PLCG2: variants seen among roughly 807,000 people sequenced by gnomAD.
PLCG2 encodes phospholipase C gamma 2, also known as 1-phosphatidylinositol 4,5-bisphosphate phosphodiesterase gamma-2.
In PLCG2, 69 loss-of-function variants were observed where a neutral mutation model predicts 175.6. The observed-to-expected ratio is 0.39, with a 90% CI of 0.32 to 0.48. The LOEUF (loss-of-function observed/expected upper bound fraction) is 0.48, where lower values mean the gene tolerates loss of function less well. Among genes scored for constraint, PLCG2 ranks in the 20% least tolerant of loss-of-function variants. The pLI, the probability that PLCG2 is intolerant of heterozygous loss-of-function variation, is 0.91. For synonymous variants in PLCG2, 827 were observed against 624.0 expected (o/e 1.33, Z -4.85); for missense variants, 1,798 against 1,650.9 (o/e 1.09, Z -1.54).
chr16:81,885,624 CT>C (rs34271990), intron 9 of PLCG2, among the ~76,000 whole-genome samples: 161 of 149,932 alleles, frequency 1.1e-3, no homozygotes, highest in Middle Eastern at 3.5e-3. Context: ...ACAGATAGAA[CT>C]TTTTTTTTTA....
intron 2 of PLCG2, among the ~76,000 whole-genome samples, chr16:81,797,141 G>C (rs1911505890): frequency 6.6e-6 from 1 of 152,178 alleles, no homozygotes; most frequent in Admixed American, 6.5e-5. Context: ...GGCAGCATTT[G>C]TCCCTCAAAA....
At chr16:81,778,016 C>CAAAAAAAAAA (rs753644088), upstream of PLCG2, among the ~76,000 whole-genome samples, 2 of 49,092 alleles carry the variant, frequency 4.1e-5, no homozygotes, top group African/African-American at 9.8e-5. Context: ...GACTTTGTCT[C>CAAAAAAAAAA]AAAAAAAAAA....
intron 2 of PLCG2, among the ~76,000 whole-genome samples, chr16:81,773,599 T>C (rs1910329435): frequency 6.6e-6 from 1 of 152,212 alleles, no homozygotes; most frequent in Non-Finnish European, 1.5e-5. Flanking sequence ...GTTTGGGGCC[T>C]GGCAAATGCC....
chr16:81,878,394 T>A (rs745615691), intron 7 of PLCG2, among the ~76,000 whole-genome samples: 15 of 152,138 alleles, frequency 9.9e-5, no homozygotes, highest in Non-Finnish European at 1.9e-4. Flanking sequence ...CCAAAGAAGG[T>A]CATGCCCATG....
chr16:81,830,194 T>TAC (rs1567486809), intron 2 of PLCG2, among the ~76,000 whole-genome samples: 3 of 151,546 alleles, frequency 2.0e-5, no homozygotes, highest in South Asian at 2.1e-4. Flanking sequence ...TTGGCACGCA[T>TAC]CTGTGGTCCC....
In PLCG2 at chr16:81,910,086, C is replaced by A. The variant is rs568534616; in HGVS notation, c.1734-434C>A. 3.3e-5 allele frequency among the ~76,000 whole-genome samples: 5 copies of A among 151,960 alleles called. No homozygotes were observed. The South Asian group carries it at 1.0e-3, about 32-fold the overall frequency. ...TCTAGCCTATACTAAGGCCCTGCAT[C>A]TGGTTTTGTTGTTGTTGTTGTTGAG... On this transcript the variant is annotated intron_variant, in intron 17 of 32. Transcript: ENST00000564138.
intron 2 of PLCG2, chr16:81,798,455 G>A (rs1439400212): frequency 6.6e-6 from 1 of 152,340 alleles, no homozygotes; most frequent in Non-Finnish European, 1.5e-5. Context: ...CAGTGCTTCT[G>A]GGAGGCTGGG....
chr16:81,880,824 T>C lies in PLCG2; in HGVS notation c.649-86T>C, dbSNP rs1422643873. ...GATCTTGTTGCATCTGACAAAATGA[T>C]GCTTTTTTAACAACAAAAATCTTTC... On this transcript the variant is annotated intron_variant, in intron 7 of 32. Coordinates refer to ENST00000564138, the MANE Select transcript of PLCG2 (RefSeq NM_002661.5). The C allele has an allele frequency of 1.5e-5, 18 of 1,207,600 alleles. No individual in the cohort carries two copies. The Admixed American group carries it at 3.3e-4, about 22-fold the overall frequency. The allele number at this position is 1,207,600 out of a possible 1,614,324, so 74.8% of individuals were successfully genotyped here.
intron 2 of PLCG2, among the ~76,000 whole-genome samples, chr16:81,813,634 C>G (rs143408961): frequency 6.6e-6 from 1 of 152,314 alleles, no homozygotes; most frequent in African/African-American, 2.4e-5. Context: ...GGGCAGAGCT[C>G]AGTCAGTGGA....
intron 1 of PLCG2, among the ~76,000 whole-genome samples, chr16:81,784,114 C>G (rs1039387546): frequency 6.6e-6 from 1 of 152,174 alleles, no homozygotes; most frequent in Non-Finnish European, 1.5e-5. Flanking sequence ...GGGCAGAGAG[C>G]AGGTGTAATT....
At chr16:81,787,563 T>C (rs1372786006) in intron 2 of PLCG2, among the ~76,000 whole-genome samples, 2 of 150,814 alleles carry the variant, frequency 1.3e-5, no homozygotes, top group Non-Finnish European at 2.9e-5. Context: ...AATAGATTGA[T>C]TGAGACATAA....
In PLCG2 at chr16:81,865,266, G is replaced by C. The variant is rs576682997; in HGVS notation, c.480-3948G>C. On this transcript the variant is annotated intron_variant, in intron 5 of 32. Transcript: ENST00000564138. ...TGTAGGGGATGGCAGGTTGCAGAGA[G>C]GGGTGAAGCTGAGCCGTTGGCTTCC... 2.8e-3 allele frequency among the ~76,000 whole-genome samples: 422 copies of C among 152,318 alleles called. 3 individuals carry two copies. Among genetic ancestry groups the C allele is most frequent in the African/African-American group, 9.5e-3 (393 of 41,566 alleles).
intron 1 of PLCG2, among the ~76,000 whole-genome samples, chr16:81,753,840 A>G (rs1909863241): frequency 6.6e-6 from 1 of 152,194 alleles, no homozygotes; most frequent in East Asian, 1.9e-4. Context: ...CTCCAGGAGA[A>G]GCAGCTGGAG....
intron 30 of PLCG2, among the ~76,000 whole-genome samples, chr16:81,944,336 C>T (rs1911067759): frequency 6.6e-6 from 1 of 150,940 alleles, no homozygotes; most frequent in Non-Finnish European, 1.5e-5. Flanking sequence ...CATATGCAGA[C>T]TTTTTTCTTA....
At chr16:81,876,228 A>G (rs150571424) in intron 7 of PLCG2, among the ~76,000 whole-genome samples, 2 of 151,556 alleles carry the variant, frequency 1.3e-5, no homozygotes, top group African/African-American at 4.8e-5. Flanking sequence ...TCACCATGTT[A>G]CCCAGGCTAG....
chr16:81,751,044 A>G (rs532828992), intron 1 of PLCG2, among the ~76,000 whole-genome samples: 1 of 135,638 alleles, frequency 7.4e-6, no homozygotes, highest in African/African-American at 2.9e-5. Context: ...ACGGTAGTGC[A>G]ATCTTGGCTC....
chr16:81,903,674 G>A lies in PLCG2; in HGVS notation c.1363-1729G>A, dbSNP rs143574106. ...GGGTGGAGGGAGCTCGGCCATGGAGGGTCCATGGCTTCTCAGGCACCTAGT... is the reference window on the plus strand; with the variant it reads ...GGGTGGAGGGAGCTCGGCCATGGAGAGTCCATGGCTTCTCAGGCACCTAGT... On this transcript the variant is annotated intron_variant, in intron 14 of 32. Transcript: ENST00000564138. Among the ~76,000 whole-genome samples, 460 of 152,244 alleles carry A rather than the reference G, an allele frequency of 3.0e-3. 5 individuals are homozygous for A. The highest frequency in any genetic ancestry group is 0.011 in the African/African-American group (448 of 41,534).
intron 23 of PLCG2, among the ~76,000 whole-genome samples, chr16:81,927,702 C>T (rs1034220668): frequency 1.3e-5 from 2 of 152,108 alleles, no homozygotes; most frequent in Admixed American, 6.5e-5. Flanking sequence ...TTTAAGATCC[C>T]GTTAGACCCC....
At chr16:81,889,704 G>C (rs1048642908) in intron 10 of PLCG2, among the ~76,000 whole-genome samples, 1 of 152,134 alleles carries the variant, frequency 6.6e-6, no homozygotes, top group Non-Finnish European at 1.5e-5. Context: ...ACCCAGCCTG[G>C]AGTGCAGTGG....
Sources: allele counts gnomAD v4.1 joint callset (sites outside exome capture counted in the v4.1 genomes callset), GRCh38; gene constraint gnomAD v4.1.1; transcripts MANE v1.5; gene names NCBI Gene and HGNC (gene_info 2026-07-23, HGNC 2026-07-21).